Variants in PCDHA12 observed in about 807,000 individuals in gnomAD.
PCDHA12 encodes the protein protocadherin alpha-12.
Under a neutral mutation model 60.0 loss-of-function variants are expected in PCDHA12, and 44 were observed. That is an observed-to-expected ratio of 0.73 (90% CI 0.58 to 0.94). The LOEUF (loss-of-function observed/expected upper bound fraction) is 0.94. Ranked by LOEUF, PCDHA12 falls within the 40% of genes least tolerant of loss-of-function variation. PCDHA12 has a pLI of 0.00. For missense variants in PCDHA12, 1,276 were observed against 1,239.7 expected (o/e 1.03, Z -0.44); for synonymous variants, 569 against 553.0 (o/e 1.03, Z -0.40).
intron 3 of PCDHA12, among the ~76,000 whole-genome samples, chr5:141,000,193 A>G (rs554462748): frequency 2.0e-5 from 3 of 151,958 alleles, no homozygotes; most frequent in Non-Finnish European, 4.4e-5. Flanking sequence ...ATGTGAGAAT[A>G]GTTTTTCACC....
intron 3 of PCDHA12, among the ~76,000 whole-genome samples, chr5:141,008,297 A>G (rs2098368469): frequency 6.6e-6 from 1 of 152,178 alleles, no homozygotes; most frequent in South Asian, 2.1e-4. Context: ...GTTGTACCCA[A>G]CCCTAAACTG....
chr5:140,884,731 C>T (rs2060333216), intron 1 of PCDHA12: 2 of 1,449,296 alleles, frequency 1.4e-6, no homozygotes, highest in East Asian at 4.9e-5. Flanking sequence ...TTGTTTAAGA[C>T]ATCTTTCCTG....
chr5:140,875,695 C>T lies in PCDHA12; in HGVS notation c.223C>T (p.Leu75=), dbSNP rs782520558. 2.5e-6 allele frequency: 4 copies of T among 1,613,962 alleles called. No homozygotes were observed. Among genetic ancestry groups the T allele is most frequent in the East Asian group, 2.2e-5 (1 of 44,898 alleles). Residue 75 remains leucine, a synonymous_variant, in exon 1 of 4, where the codon CTG becomes TTG. Transcript: ENST00000398631. Reference sequence around the variant, plus strand: ...GGCGTCCAAAAGACACGGGGACCTTCTGGAGGTAAATCTGCAGAATGGCAT... The same window carrying T: ...GGCGTCCAAAAGACACGGGGACCTTTTGGAGGTAAATCTGCAGAATGGCAT... ...RVASKRHGDL[L]EVNLQNGILF...
intron 1 of PCDHA12, among the ~76,000 whole-genome samples, chr5:140,925,484 T>C (rs1178019565): frequency 6.6e-6 from 1 of 152,066 alleles, no homozygotes; most frequent in Admixed American, 6.6e-5. Flanking sequence ...CTCATAGAAC[T>C]GATCACTGTC....
chr5:140,924,531 G>A (rs1194516404), intron 1 of PCDHA12, among the ~76,000 whole-genome samples: 2 of 152,070 alleles, frequency 1.3e-5, no homozygotes, highest in African/African-American at 2.4e-5. Flanking sequence ...GAGAATGCCC[G>A]AGCTACCCCT....
chr5:140,968,295 A>G lies in PCDHA12; in HGVS notation c.2368-10654A>G, dbSNP rs782722853. 4 of 1,613,916 alleles carry G rather than the reference A, an allele frequency of 2.5e-6. No homozygotes were observed. The Admixed American group carries it at 5.0e-5, about 20-fold the overall frequency. ...GCAGAGGTGACCTACTCCCTTCTGG[A>G]GAGGGAGATTCAAGGGCTGCCAGTC... On this transcript the variant is annotated intron_variant, in intron 1 of 3. Coordinates refer to ENST00000398631, the MANE Select transcript of PCDHA12 (RefSeq NM_018903.4).
At chr5:140,916,417 A>G (rs2077566178) in intron 1 of PCDHA12, among the ~76,000 whole-genome samples, 1 of 152,246 alleles carries the variant, frequency 6.6e-6, no homozygotes. Flanking sequence ...AAGTCAGCAC[A>G]TCTCAGAACC....
rs200797202 is a variant in PCDHA12 at position 140,937,911 on chromosome 5, C to CA, written c.2368-41022dup. On this transcript the variant is annotated intron_variant, in intron 1 of 3. Coordinates refer to ENST00000398631, the MANE Select transcript of PCDHA12 (RefSeq NM_018903.4). ...TGGGCGACAGAGTGAGACTCCGTCT[C>CA]AAAAAAAAAAAAAAAAGTTTAATTT... 3.1e-3 allele frequency among the ~76,000 whole-genome samples: 361 copies of CA among 117,828 alleles called. 2 individuals are homozygous for CA. In the East Asian group the frequency reaches 0.042, roughly 14 times the overall value. 77.3% of individuals were successfully genotyped at this position (117,828 alleles called of 152,430 possible).
intron 1 of PCDHA12, among the ~76,000 whole-genome samples, chr5:140,921,435 A>G (rs997660613): frequency 6.6e-6 from 1 of 152,120 alleles, no homozygotes. Context: ...ATTTTCTTCA[A>G]TGGTGTCTGA....
chr5:140,917,324 C>CGGGGGGGGGGGGG (rs1299895515), intron 1 of PCDHA12, among the ~76,000 whole-genome samples: 2 of 76,122 alleles, frequency 2.6e-5, no homozygotes, highest in Admixed American at 1.5e-4. Context: ...GTTCATGTGG[C>CGGGGGGGGGGGGG]GGGGGAGGGG....
intron 3 of PCDHA12, among the ~76,000 whole-genome samples, chr5:140,995,405 T>G (rs1203404732): frequency 2.6e-5 from 4 of 152,154 alleles, no homozygotes; most frequent in African/African-American, 9.7e-5. Context: ...TGGCTCGAGA[T>G]TTCATCACAT....
chr5:140,921,233 T>C lies in PCDHA12; in HGVS notation c.2367+43394T>C, dbSNP rs1431130539. 2.6e-5 allele frequency among the ~76,000 whole-genome samples: 4 copies of C among 152,162 alleles called. No individual in the cohort carries two copies. The East Asian group carries it at 5.8e-4, about 22-fold the overall frequency. ...TTCACGTCTTTTTTGCTAGATGATATTAAGCCACAGATCAAAAAGTCCTAG... is the reference window on the plus strand; with the variant it reads ...TTCACGTCTTTTTTGCTAGATGATACTAAGCCACAGATCAAAAAGTCCTAG... On this transcript the variant is annotated intron_variant, in intron 1 of 3. Coordinates refer to ENST00000398631, the MANE Select transcript of PCDHA12 (RefSeq NM_018903.4).
chr5:140,993,266 T>G (rs1049781348), intron 3 of PCDHA12, among the ~76,000 whole-genome samples: 1 of 152,182 alleles, frequency 6.6e-6, no homozygotes, highest in Non-Finnish European at 1.5e-5. Flanking sequence ...AATTAGCTTC[T>G]TTGGTCTTTT....
At chr5:140,929,353 C>T in intron 1 of PCDHA12, 1 of 1,527,090 alleles carries the variant, frequency 6.5e-7, no homozygotes, top group Non-Finnish European at 8.8e-7. Context: ...AATTTGATTC[C>T]TTTGGCCCGG....
intron 1 of PCDHA12, among the ~76,000 whole-genome samples, chr5:140,921,929 A>C (rs2080500807): frequency 6.6e-6 from 1 of 152,126 alleles, no homozygotes; most frequent in African/African-American, 2.4e-5. Flanking sequence ...CTTATAGTCA[A>C]TATAATTTTA....
At chr5:140,928,469 A>G in intron 1 of PCDHA12, 1 of 1,614,144 alleles carries the variant, frequency 6.2e-7, no homozygotes, top group Non-Finnish European at 8.5e-7. Context: ...TTCCAAGTAG[A>G]AGGCCGGGAT....
At chr5:140,895,115 T>C (rs2064854715) in intron 1 of PCDHA12, among the ~76,000 whole-genome samples, 1 of 152,182 alleles carries the variant, frequency 6.6e-6, no homozygotes, top group Non-Finnish European at 1.5e-5. Flanking sequence ...CAAGAAGACA[T>C]TTGTTAGTTG....
chr5:140,884,708 T>C, intron 1 of PCDHA12: 1 of 1,479,044 alleles, frequency 6.8e-7, no homozygotes, highest in Non-Finnish European at 9.0e-7. Flanking sequence ...ACTTTAGCCT[T>C]CCTTGCAGTT....
intron 1 of PCDHA12, among the ~76,000 whole-genome samples, chr5:140,916,543 G>A (rs1554197499): frequency 6.6e-6 from 1 of 152,152 alleles, no homozygotes; most frequent in Non-Finnish European, 1.5e-5. Context: ...AAGGCAATGG[G>A]TTTTCTATTT....
Sources: allele counts gnomAD v4.1 joint callset (sites outside exome capture counted in the v4.1 genomes callset), GRCh38; gene constraint gnomAD v4.1.1; transcripts MANE v1.5; gene names NCBI Gene and HGNC (gene_info 2026-07-23, HGNC 2026-07-21).